The following MTSS2 variants were observed in gnomAD, a reference collection of about 807,000 sequenced individuals.
MTSS2 encodes the protein MTSS I-BAR domain containing 2, also known as protein MTSS 2.
Under a neutral mutation model 67.1 loss-of-function variants are expected in MTSS2, and 27 were observed. The ratio of observed to expected loss-of-function variants is 0.40; its 90% CI spans 0.30 to 0.55. The LOEUF is 0.55. MTSS2 is among the 20% of genes least tolerant of loss of function. The pLI, the probability that MTSS2 is intolerant of heterozygous loss-of-function variation, is 0.43. For synonymous variants in MTSS2, 624 were observed against 468.6 expected (o/e 1.33, Z -4.28); for missense variants, 1,171 against 1,067.8 (o/e 1.10, Z -1.35).
Position 70,661,424 on chromosome 16 carries a change from G to A in MTSS2, c.*2253C>T. 1 of 359,996 alleles carries A rather than the reference G, an allele frequency of 2.8e-6. No individual in the cohort carries two copies. The highest frequency in any genetic ancestry group is 5.5e-6 in the Non-Finnish European group (1 of 182,450). 22.3% of individuals were successfully genotyped at this position (359,996 alleles called of 1,614,324 possible). A position where few individuals can be genotyped will look rare whatever the true frequency, so the allele number is the denominator to read the frequency against. The stretch of plus-strand genomic sequence containing the variant: ...AGTAGGAACCAGGAGGGCTGCCTGG[G>A]GTGGGGGAATAAATTAAAAAAAGGA... On this transcript the variant is annotated 3_prime_UTR_variant, in exon 15 of 15. Coordinates refer to ENST00000338779, the MANE Select transcript of MTSS2 (RefSeq NM_138383.3).
At chr16:70,668,077 A>AG (rs916264509) in intron 11 of MTSS2, among the ~76,000 whole-genome samples, 1 of 152,108 alleles carries the variant, frequency 6.6e-6, no homozygotes, top group Non-Finnish European at 1.5e-5. Flanking sequence ...CCAAAAAAAA[A>AG]TAACCAAGCT....
chr16:70,667,976 G>GTTT (rs11381159), intron 11 of MTSS2, among the ~76,000 whole-genome samples: 5 of 143,660 alleles, frequency 3.5e-5, no homozygotes, highest in Non-Finnish European at 1.5e-5. Flanking sequence ...AATCCCAGGA[G>GTTT]TTTTTTTTTT....
chr16:70,678,536 G>C, intron 7 of MTSS2, 127 bp from the exon 8 acceptor site: 1 of 1,105,804 alleles, frequency 9.0e-7, no homozygotes, highest in South Asian at 1.6e-5. Flanking sequence ...GGGGCCAGGG[G>C]ACTGCGGAGG....
intron 13 of MTSS2, 50 bp from the exon 14 acceptor site, chr16:70,664,813 G>C: frequency 1.3e-6 from 2 of 1,547,708 alleles, no homozygotes; most frequent in Non-Finnish European, 1.7e-6. Context: ...AATCCCCTCT[G>C]CCCAAATTCC....
intron 12 of MTSS2, 37 bp downstream of exon 12, chr16:70,665,429 C>G (rs1014887053): frequency 6.5e-7 from 1 of 1,536,250 alleles, no homozygotes; most frequent in Non-Finnish European, 8.8e-7. Context: ...GGAGGGGCAG[C>G]TGGTGACTGT....
rs1369426976 is a variant in MTSS2, at chr16:70,664,941, G to A, written c.1284C>T (p.Ser428=). ...SGEEAPRPRM[S]PATIAAKHGE... The stretch of plus-strand genomic sequence containing the variant: ...CTACCTTGGCTGCGATGGTGGCAGG[G>A]GACATCCGGGGTCGCGGTGCCTCTT... The change falls in exon 13 of 15, where the codon TCC becomes TCT. Residue 428 remains serine, a synonymous_variant. Coordinates refer to ENST00000338779, the MANE Select transcript of MTSS2 (RefSeq NM_138383.3). 6.4e-7 allele frequency: 1 copy of A among 1,557,006 alleles called. No homozygotes were observed. Among genetic ancestry groups the A allele is most frequent in the African/African-American group, 1.3e-5 (1 of 74,408 alleles).
intron 10 of MTSS2, among the ~76,000 whole-genome samples, chr16:70,676,374 A>G (rs1417616440): frequency 6.6e-6 from 1 of 152,234 alleles, no homozygotes; most frequent in Non-Finnish European, 1.5e-5. Flanking sequence ...ACCAGCTCTT[A>G]GGAGCCAGCC....
Position 70,664,307 on chromosome 16 carries a change from G to A in MTSS2, c.1614C>T (p.Ser538=). ...RRLIQTKRPA[S]TAGLPTAGLP... ...GCCCCGCGGTGGGCAGCCCAGCAGT[G>A]GAGGCTGGGCGCTTGGTCTGGATCA... The change falls in exon 15 of 15, where the codon TCC becomes TCT. Residue 538 remains serine (S), a synonymous_variant. Coordinates refer to ENST00000338779, the MANE Select transcript of MTSS2 (RefSeq NM_138383.3). 1.9e-6 allele frequency: 3 copies of A among 1,587,048 alleles called. No homozygotes were observed. The highest frequency in any genetic ancestry group is 3.7e-5 in the Admixed American group (2 of 54,774).
intron 11 of MTSS2, 178 bp from the exon 12 acceptor site, chr16:70,665,718 C>G: frequency 3.5e-6 from 2 of 576,556 alleles, no homozygotes; most frequent in Non-Finnish European, 6.2e-6. Context: ...TCTGCAGCAG[C>G]ACACAGCAGC....
chr16:70,674,404 G>C lies in MTSS2; in HGVS notation c.955C>G (p.Arg319Gly). The C allele has an allele frequency of 6.2e-7, 1 of 1,614,176 alleles. No individual in the cohort carries two copies. The highest frequency in any genetic ancestry group is 8.5e-7 in the Non-Finnish European group (1 of 1,180,026). The change falls in exon 11 of 15, where the codon CGC (arginine) becomes GGC (glycine). Residue 319 changes from arginine to glycine, a missense_variant. Arg to Gly is a moderately radical substitution (Grantham distance 125). This residue lies in a region of MTSS2 where 924 missense variants were observed against 756.0 expected (regional missense o/e 1.22). Transcript: ENST00000338779. Reference protein sequence around the residue: ...SLAQPATTTARLSSVSSHDSG... With the variant: ...SLAQPATTTAGLSSVSSHDSG... Reference sequence around the variant, plus strand: ...TCATGGGAGGAAACGCTGGAGAGGCGAGCGGTGGTGGTGGCTGGCTGCGCC... The same window carrying C: ...TCATGGGAGGAAACGCTGGAGAGGCCAGCGGTGGTGGTGGCTGGCTGCGCC...
At chr16:70,680,914 G>GGT (rs767805328) in intron 2 of MTSS2, 47 bp from the exon 3 acceptor site, 1 of 1,317,766 alleles carries the variant, frequency 7.6e-7, no homozygotes, top group South Asian at 1.2e-5. Context: ...TGGGCGGGGG[G>GGT]GGGGCCTCTG....
Position 70,680,031 on chromosome 16 carries a change from G to A in MTSS2, c.230C>T (p.Ala77Val), listed in dbSNP as rs2053251221. The change falls in exon 4 of 15, where the codon GCG becomes GTG. Residue 77 changes from alanine to valine, a missense_variant. Ala to Val is a moderately conservative substitution (Grantham distance 64). Transcript: ENST00000338779. ...TRGATRDIGSALTRMCMRHRS... is the reference protein window; with the variant it reads ...TRGATRDIGSVLTRMCMRHRS... The stretch of plus-strand genomic sequence containing the variant: ...GTGGCGCATGCACATGCGTGTGAGC[G>A]CCGAGCCGATGTCCCTCGTGGCCCC... 3.9e-6 allele frequency: 6 copies of A among 1,530,188 alleles called. No individual in the cohort carries two copies. Among genetic ancestry groups the A allele is most frequent in the Non-Finnish European group, 5.2e-6 (6 of 1,147,196 alleles). The allele number at this position is 1,530,188 out of a possible 1,614,324, so 94.8% of individuals were successfully genotyped here.
At chr16:70,670,406 A>C (rs2052889197) in intron 11 of MTSS2, among the ~76,000 whole-genome samples, 1 of 152,230 alleles carries the variant, frequency 6.6e-6, no homozygotes, top group South Asian at 2.1e-4. Flanking sequence ...ATGACTTTGC[A>C]ATTCTGCTCC....
intron 1 of MTSS2, among the ~76,000 whole-genome samples, chr16:70,682,181 A>G (rs2053323625): frequency 6.6e-6 from 1 of 152,092 alleles, no homozygotes; most frequent in African/African-American, 2.4e-5. Context: ...CAACCAAACC[A>G]GTGTCCAGAG....
chr16:70,665,682 T>G (rs1203366113), intron 11 of MTSS2, 142 bp from the exon 12 acceptor site: 2 of 581,182 alleles, frequency 3.4e-6, no homozygotes, highest in Non-Finnish European at 2.8e-6. Context: ...CCACCCCCCC[T>G]ACCCCAGGGC....
In MTSS2 at chr16:70,664,928, C is replaced by T. The variant is rs369812420; in HGVS notation, c.1297G>A (p.Ala433Thr). 68 of 1,548,406 alleles carry T rather than the reference C, an allele frequency of 4.4e-5. No homozygotes were observed. The highest frequency in any genetic ancestry group is 5.3e-5 in the Non-Finnish European group (61 of 1,152,690). ...GGCCCTGGCCAGCCTACCTTGGCTG[C>T]GATGGTGGCAGGGGACATCCGGGGT... is the stretch of plus-strand genomic sequence containing the variant. ...PRPRMSPATIAAKHGEEVSPA... is the reference protein window; with the variant it reads ...PRPRMSPATITAKHGEEVSPA... The change falls in exon 13 of 15, where the codon GCA becomes ACA. Residue 433 changes from alanine to threonine, a missense_variant. By Grantham distance (58) the Ala-to-Thr change is moderately conservative. This residue lies in a region of MTSS2 where 924 missense variants were observed against 756.0 expected (regional missense o/e 1.22). Coordinates refer to ENST00000338779, the MANE Select transcript of MTSS2 (RefSeq NM_138383.3).
chr16:70,669,989 G>A (rs2052870876), intron 11 of MTSS2, among the ~76,000 whole-genome samples: 1 of 151,644 alleles, frequency 6.6e-6, no homozygotes, highest in African/African-American at 2.4e-5. Flanking sequence ...TCATAATCTT[G>A]GCCAGGTGTG....
At chr16:70,672,681 C>CAA (rs60173167) in intron 11 of MTSS2, among the ~76,000 whole-genome samples, 446 of 117,478 alleles carry the variant, frequency 3.8e-3, no homozygotes, top group African/African-American at 7.6e-3. Context: ...GGTTAAATAG[C>CAA]AAAAAAAAAA....
At chr16:70,679,609 G>A in intron 6 of MTSS2, 21 bp downstream of exon 6, 1 of 1,582,842 alleles carries the variant, frequency 6.3e-7, no homozygotes, top group Non-Finnish European at 8.6e-7. Flanking sequence ...GCTGTGGCTG[G>A]GGGGCCGCGC....
Sources: allele counts gnomAD v4.1 joint callset (sites outside exome capture counted in the v4.1 genomes callset), GRCh38; gene constraint gnomAD v4.1.1; regional missense constraint gnomAD v4.1.1; transcripts MANE v1.5; gene names NCBI Gene and HGNC (gene_info 2026-07-23, HGNC 2026-07-21).